The following ATP10B variants were observed in gnomAD, a reference collection of about 807,000 sequenced individuals.
ATP10B encodes the protein ATPase phospholipid transporting 10B (putative), also known as phospholipid-transporting ATPase VB.
Under a neutral mutation model 141.2 loss-of-function variants are expected in ATP10B, and 122 were observed. The observed-to-expected ratio is 0.86, with a 90% CI of 0.75 to 1.00. The LOEUF (loss-of-function observed/expected upper bound fraction) is 1.00. ATP10B is among the 50% of genes least tolerant of loss of function. ATP10B has a pLI of 0.00. For missense variants in ATP10B, 1,876 were observed against 1,825.3 expected, an observed-to-expected ratio of 1.03 and a Z score of -0.51; for synonymous variants, 685 against 692.0, an observed-to-expected ratio of 0.99 and a Z score of 0.16.
Position 160,590,026 on chromosome 5 carries a change from T to C in ATP10B, c.3646-330A>G, listed in dbSNP as rs532512135. Among the ~76,000 whole-genome samples, 4 of 152,264 alleles carry C rather than the reference T, an allele frequency of 2.6e-5. No homozygotes were observed. The South Asian group carries it at 8.3e-4, about 32-fold the overall frequency. ...GTTTGCCTACAATGAGTTTAGTCTATTAGGCAGTGCGGATGTGGTACAATT... is the reference window on the plus strand; with the variant it reads ...GTTTGCCTACAATGAGTTTAGTCTACTAGGCAGTGCGGATGTGGTACAATT... On this transcript the variant is annotated intron_variant, in intron 23 of 25. Transcript: ENST00000327245.
chr5:160,618,551 GA>G (rs1356511425), intron 15 of ATP10B, among the ~76,000 whole-genome samples: 1 of 152,170 alleles, frequency 6.6e-6, no homozygotes, highest in Non-Finnish European at 1.5e-5. Context: ...CTCAATGCAA[GA>G]AATACGTTTA....
At chr5:160,920,809 A>G in the ATP10B span, among the ~76,000 whole-genome samples, 1 of 152,142 alleles carries the variant, frequency 6.6e-6, no homozygotes, top group Non-Finnish European at 1.5e-5. Flanking sequence ...GGGACTTGAG[A>G]TTCTGCATTT....
intron 16 of ATP10B, among the ~76,000 whole-genome samples, chr5:160,617,604 C>A (rs918368436): frequency 6.6e-6 from 1 of 152,180 alleles, no homozygotes; most frequent in Non-Finnish European, 1.5e-5. Flanking sequence ...GAAAAAATGT[C>A]ATGAGTTGTG....
chr5:160,815,321 A>G (rs537896255), intron 1 of ATP10B, among the ~76,000 whole-genome samples: 1 of 152,374 alleles, frequency 6.6e-6, no homozygotes, highest in Admixed American at 6.5e-5. Flanking sequence ...AGCACAAAAA[A>G]AAGCAGCAGT....
intron 1 of ATP10B, among the ~76,000 whole-genome samples, chr5:160,844,118 G>A (rs1188624214): frequency 1.3e-5 from 2 of 152,016 alleles, no homozygotes; most frequent in African/African-American, 2.4e-5. Flanking sequence ...AATGTAAATT[G>A]GAATAATTAA....
intron 1 of ATP10B, among the ~76,000 whole-genome samples, chr5:160,795,043 G>A (rs1011592915): frequency 3.3e-5 from 5 of 152,188 alleles, no homozygotes; most frequent in Non-Finnish European, 7.4e-5. Flanking sequence ...GTGGAAGAAT[G>A]TGTAAAAAGA....
rs1757789190 is a variant in ATP10B, at chr5:160,612,751, G to T, written c.2828C>A (p.Thr943Lys). 4 of 1,613,474 alleles carry T rather than the reference G, an allele frequency of 2.5e-6. No homozygotes were observed. Among genetic ancestry groups the T allele is most frequent in the African/African-American group, 1.3e-5 (1 of 74,834 alleles). ...AGAGAATCACCTCACCTGATTCTCT[G>T]TATTGATGGTATAAACAGTGTCGGT... The part of the protein sequence containing the change: ...NQTDTVYTIN[T>K]ENQETCESIL... Residue 943 changes from threonine (T) to lysine (K), a missense_variant, in exon 18 of 26, where the codon ACA becomes AAA. Coordinates refer to ENST00000327245, the MANE Select transcript of ATP10B (RefSeq NM_025153.3).
chr5:160,689,934 T>G (rs1383446115), intron 3 of ATP10B, among the ~76,000 whole-genome samples: 1 of 151,950 alleles, frequency 6.6e-6, no homozygotes, highest in Non-Finnish European at 1.5e-5. Flanking sequence ...GCTGGAGGCA[T>G]CATGCTACCT....
In ATP10B at chr5:160,813,342, C is replaced by T. The variant is rs192677249; in HGVS notation, c.-575-27539G>A. Among the ~76,000 whole-genome samples the T allele has an allele frequency of 3.8e-3, 572 of 152,282 alleles. 3 individuals are homozygous for T. The highest frequency in any genetic ancestry group is 0.017 in the Middle Eastern group (5 of 294). The stretch of plus-strand genomic sequence containing the variant: ...CGACACACCAGGAGATTATATCCCG[C>T]GCATGGCTTGGAGGGTCCTACGCCC... On this transcript the variant is annotated intron_variant, in intron 1 of 25. Coordinates refer to ENST00000327245, the MANE Select transcript of ATP10B (RefSeq NM_025153.3).
intron 2 of ATP10B, among the ~76,000 whole-genome samples, chr5:160,752,118 A>C (rs1297521746): frequency 6.6e-6 from 1 of 152,190 alleles, no homozygotes; most frequent in African/African-American, 2.4e-5. Flanking sequence ...TTGTGCATGC[A>C]AGAAAATAAA....
chr5:160,800,863 A>G (rs1042129220), intron 1 of ATP10B, among the ~76,000 whole-genome samples: 9 of 152,048 alleles, frequency 5.9e-5, no homozygotes, highest in African/African-American at 2.2e-4. Context: ...GTATAGGCCT[A>G]CTCTTCCAGG....
intron 1 of ATP10B, among the ~76,000 whole-genome samples, chr5:160,822,174 CTAA>C (rs1774160126): frequency 6.6e-6 from 1 of 151,908 alleles, no homozygotes; most frequent in Non-Finnish European, 1.5e-5. Context: ...GGAAAAAAAT[CTAA>C]TAATCTGATT....
At chr5:160,619,348 A>G (rs191391656) in intron 15 of ATP10B, among the ~76,000 whole-genome samples, 1 of 152,264 alleles carries the variant, frequency 6.6e-6, no homozygotes, top group Non-Finnish European at 1.5e-5. Context: ...TATTGAAGGC[A>G]TCTCTAATCC....
chr5:160,598,400 G>T (rs1339725841), intron 22 of ATP10B, among the ~76,000 whole-genome samples: 5 of 151,966 alleles, frequency 3.3e-5, no homozygotes, highest in African/African-American at 1.2e-4. Context: ...GGTGGGGGGA[G>T]CAGGGAGGGA....
intron 1 of ATP10B, among the ~76,000 whole-genome samples, chr5:160,791,582 G>T (rs1016814740): frequency 1.3e-5 from 2 of 152,098 alleles, no homozygotes; most frequent in Non-Finnish European, 2.9e-5. Context: ...TACTTCCAGG[G>T]TTAGTGCTTA....
intron 2 of ATP10B, among the ~76,000 whole-genome samples, chr5:160,771,512 A>G (rs1769901641): frequency 6.6e-6 from 1 of 152,186 alleles, no homozygotes; most frequent in African/African-American, 2.4e-5. Context: ...TATAAAAGGT[A>G]TATGTCCTTA....
At chr5:160,703,411 G>A (rs1190601657) in intron 3 of ATP10B, among the ~76,000 whole-genome samples, 2 of 151,846 alleles carry the variant, frequency 1.3e-5, no homozygotes, top group African/African-American at 4.8e-5. Context: ...ATAAATGTCA[G>A]CCATCATCTG....
chr5:160,784,332 G>A (rs975393985), intron 2 of ATP10B, among the ~76,000 whole-genome samples: 2 of 152,110 alleles, frequency 1.3e-5, no homozygotes, highest in African/African-American at 2.4e-5. Flanking sequence ...TTAATAGAAT[G>A]AACTACTGCA....
rs370458150 is a variant in ATP10B, at chr5:160,610,411, A to G, written c.2838+2330T>C. On this transcript the variant is annotated intron_variant, in intron 18 of 25. Transcript: ENST00000327245. ...ACCTGTTGAGCCGTCAGATGAGCCC[A>G]CAGCCCTGACCAACAGCTTGAGTGC... Among the ~76,000 whole-genome samples, 4 of 152,280 alleles carry G rather than the reference A, an allele frequency of 2.6e-5. No homozygotes were observed. The East Asian group carries it at 5.8e-4, about 22-fold the overall frequency.
Sources: allele counts gnomAD v4.1 joint callset (sites outside exome capture counted in the v4.1 genomes callset), GRCh38; gene constraint gnomAD v4.1.1; transcripts MANE v1.5; gene names NCBI Gene and HGNC (gene_info 2026-07-23, HGNC 2026-07-21).